The following CFAP47 variants were observed in gnomAD, a reference collection of about 807,000 sequenced individuals.
CFAP47 encodes cilia- and flagella-associated protein 47.
CFAP47 carries 29 observed loss-of-function variants against 148.1 expected under a neutral mutation model. The observed-to-expected ratio is 0.20, with a 90% CI of 0.15 to 0.27. CFAP47 has a LOEUF of 0.27. Ranked by LOEUF, CFAP47 falls within the 10% of genes least tolerant of loss-of-function variation. The probability of loss-of-function intolerance (pLI) is 1.00; values close to 1 mark genes in which losing one functional copy is unlikely to be tolerated. For missense variants in CFAP47, 1,872 were observed against 1,697.5 expected (o/e 1.10, Z -1.81); for synonymous variants, 664 against 577.3 (o/e 1.15, Z -2.15).
At chrX:36,326,335 G>A (rs781921839) in intron 57 of CFAP47, among the ~76,000 whole-genome samples, 11 of 105,213 alleles carry the variant, frequency 1.0e-4, no homozygotes, top group African/African-American at 2.6e-4. Flanking sequence ...ACACACAAAC[G>A]TGCTAGGATT....
At chrX:36,347,535 G>T (rs990719364) in intron 57 of CFAP47, among the ~76,000 whole-genome samples, 2 of 111,988 alleles carry the variant, frequency 1.8e-5, no homozygotes, top group African/African-American at 6.5e-5. Context: ...CAACCCAAAT[G>T]TCCATCAATG....
chrX:35,977,772 A>C (rs2146671893), intron 15 of CFAP47, among the ~76,000 whole-genome samples: 1 of 111,994 alleles, frequency 8.9e-6, no homozygotes, highest in African/African-American at 3.2e-5. Context: ...TGTAACAGGG[A>C]GTGTTATAAA....
intron 30 of CFAP47, among the ~76,000 whole-genome samples, chrX:36,091,221 C>T (rs934505756): frequency 9.0e-6 from 1 of 111,261 alleles, no homozygotes; most frequent in Non-Finnish European, 1.9e-5. Context: ...CTCTGGTGGA[C>T]ACTTTGGAAT....
chrX:36,280,937 T>C (rs1300023419), intron 50 of CFAP47, among the ~76,000 whole-genome samples: 3 of 112,311 alleles, frequency 2.7e-5, no homozygotes, highest in African/African-American at 9.7e-5. Flanking sequence ...AAAATGTTAA[T>C]GAGTATATTG....
intron 33 of CFAP47, among the ~76,000 whole-genome samples, chrX:36,125,574 A>G (rs1192299977): frequency 8.9e-6 from 1 of 111,967 alleles, no homozygotes; most frequent in Non-Finnish European, 1.9e-5. Flanking sequence ...AAAATACATA[A>G]GTAAATATAT....
At chrX:36,234,997 C>T (rs782718177) in intron 46 of CFAP47, among the ~76,000 whole-genome samples, 9 of 110,985 alleles carry the variant, frequency 8.1e-5, no homozygotes, top group East Asian at 5.8e-4. Context: ...GAGGAGTACC[C>T]GGCCGTGTGA....
In CFAP47 at chrX:35,971,795, G is replaced by A. The variant is rs774558298; in HGVS notation, c.2157+23G>A. On this transcript the variant is annotated intron_variant, in intron 12 of 63. Coordinates refer to ENST00000378653, the MANE Select transcript of CFAP47 (RefSeq NM_001304548.2). ...AAGGCACGTGCAATGTTTTACATTTGGTTATTCCACGAGAATTCTTAAAAT... is the reference window on the plus strand; with the variant it reads ...AAGGCACGTGCAATGTTTTACATTTAGTTATTCCACGAGAATTCTTAAAAT... The A allele has an allele frequency of 4.2e-6, 5 of 1,192,285 alleles. No homozygotes were observed. In the Middle Eastern group the frequency reaches 7.0e-4, roughly 167 times the overall value.
chrX:36,123,389 G>T (rs960051924), intron 33 of CFAP47, among the ~76,000 whole-genome samples: 5 of 111,943 alleles, frequency 4.5e-5, no homozygotes, highest in African/African-American at 1.6e-4. Flanking sequence ...AGTTCCCCCA[G>T]GTCCCAAGTG....
intron 50 of CFAP47, among the ~76,000 whole-genome samples, chrX:36,282,960 T>A (rs1339877999): frequency 8.9e-6 from 1 of 111,782 alleles, no homozygotes; most frequent in African/African-American, 3.2e-5. Flanking sequence ...ATTGAATAAT[T>A]GAAACTAAAG....
intron 2 of CFAP47, among the ~76,000 whole-genome samples, chrX:35,927,412 A>G (rs771752626): frequency 9.0e-6 from 1 of 111,477 alleles, no homozygotes; most frequent in African/African-American, 3.3e-5. Flanking sequence ...ACTGGCACTC[A>G]GATTTGCTTG....
chrX:36,130,411 AAGAC>A (rs1444212951), intron 33 of CFAP47, among the ~76,000 whole-genome samples: 1 of 111,398 alleles, frequency 9.0e-6, no homozygotes, highest in Non-Finnish European at 1.9e-5. Context: ...TTATATCCAA[AAGAC>A]AGGCAATAAA....
intron 4 of CFAP47, among the ~76,000 whole-genome samples, chrX:35,949,525 C>G (rs1018799059): frequency 9.0e-6 from 1 of 111,500 alleles, no homozygotes; most frequent in African/African-American, 3.3e-5. Flanking sequence ...GATTTGGTGA[C>G]TGATTGTAGC....
At chrX:36,341,070 C>T (rs1233580505) in intron 57 of CFAP47, among the ~76,000 whole-genome samples, 1 of 100,213 alleles carries the variant, frequency 1.0e-5, no homozygotes. Context: ...AAAGTCTCGT[C>T]CTGTCACCAG....
At chrX:36,355,650 A>G (rs1307841544) in intron 60 of CFAP47, among the ~76,000 whole-genome samples, 2 of 111,973 alleles carry the variant, frequency 1.8e-5, no homozygotes, top group African/African-American at 6.5e-5. Context: ...TAAATTTGAA[A>G]TACTCAATCT....
intron 53 of CFAP47, among the ~76,000 whole-genome samples, chrX:36,302,819 A>T (rs1556008050): frequency 1.8e-5 from 2 of 112,079 alleles, no homozygotes; most frequent in African/African-American, 6.5e-5. Flanking sequence ...TTACGACTAG[A>T]CTGTGTTAGC....
In CFAP47 at chrX:36,118,710, G is replaced by A. The variant is rs187251827; in HGVS notation, c.5320+14019G>A. The stretch of plus-strand genomic sequence containing the variant: ...AGGATGGTCTTGATCTCCTGACCTT[G>A]TGATCCACCTGCCTCGGCCTCCCAA... On this transcript the variant is annotated intron_variant, in intron 33 of 63. Transcript: ENST00000378653. Among the ~76,000 whole-genome samples the A allele has an allele frequency of 1.5e-3, 172 of 111,572 alleles. 1 individual carries two copies. Among genetic ancestry groups the A allele is most frequent in the Non-Finnish European group, 2.0e-3 (108 of 53,123 alleles).
intron 22 of CFAP47, among the ~76,000 whole-genome samples, chrX:36,029,522 A>G (rs1244976711): frequency 2.7e-5 from 3 of 110,638 alleles, no homozygotes; most frequent in Non-Finnish European, 5.7e-5. Context: ...TTAATGCTGC[A>G]AACTTCCCTC....
chrX:36,201,150 T>C (rs1569287255), intron 43 of CFAP47, 124 bp from the exon 44 acceptor site: 1 of 290,284 alleles, frequency 3.4e-6, no homozygotes, highest in East Asian at 4.9e-5. Flanking sequence ...CATTTATTTT[T>C]ACTCTGTTTC....
At chrX:36,342,096 A>T (rs1186069981) in intron 57 of CFAP47, among the ~76,000 whole-genome samples, 1 of 111,620 alleles carries the variant, frequency 9.0e-6, no homozygotes, top group Admixed American at 9.6e-5. Context: ...TAGATTTCCC[A>T]GTCAGAAGAT....
Sources: allele counts gnomAD v4.1 joint callset (sites outside exome capture counted in the v4.1 genomes callset), GRCh38; gene constraint gnomAD v4.1.1; transcripts MANE v1.5; gene names NCBI Gene and HGNC (gene_info 2026-07-23, HGNC 2026-07-21).